CSMD1: variants seen among roughly 807,000 people sequenced by gnomAD.
The protein encoded by CSMD1 is CUB and sushi domain-containing protein 1.
CSMD1 carries 213 observed loss-of-function variants against 417.5 expected under a neutral mutation model. That is an observed-to-expected ratio of 0.51 (90% CI 0.46 to 0.57). CSMD1 has a LOEUF of 0.57. Among genes scored for constraint, CSMD1 ranks in the 20% least tolerant of loss-of-function variants. CSMD1 has a pLI of 0.00. For missense variants in CSMD1, 6,923 were observed against 4,529.7 expected (o/e 1.53, Z -15.17); for synonymous variants, 2,862 against 1,736.8 (o/e 1.65, Z -16.11).
At chr8:3,021,172 G>C (rs571087139) in intron 51 of CSMD1, among the ~76,000 whole-genome samples, 40 of 152,128 alleles carry the variant, frequency 2.6e-4, no homozygotes, top group Non-Finnish European at 4.0e-4. Context: ...CCCTCTGCTC[G>C]TATGGCTGTT....
intron 3 of CSMD1, among the ~76,000 whole-genome samples, chr8:4,099,825 C>T (rs1016245267): frequency 7.9e-5 from 12 of 152,246 alleles, no homozygotes; most frequent in East Asian, 3.9e-4. Flanking sequence ...TGATTGTATC[C>T]ACATCTTGCT....
At chr8:4,894,116 G>A (rs1804316204) in intron 1 of CSMD1, among the ~76,000 whole-genome samples, 1 of 151,954 alleles carries the variant, frequency 6.6e-6, no homozygotes, top group Non-Finnish European at 1.5e-5. Flanking sequence ...CCTGCGCACT[G>A]TATCCCATAC....
intron 1 of CSMD1, among the ~76,000 whole-genome samples, chr8:4,792,788 C>G (rs974052279): frequency 6.6e-6 from 1 of 152,106 alleles, no homozygotes; most frequent in Non-Finnish European, 1.5e-5. Flanking sequence ...ACCATGCGTT[C>G]CAGGCGTACT....
chr8:3,972,378 C>G (rs59909384), intron 5 of CSMD1, among the ~76,000 whole-genome samples: 4 of 151,980 alleles, frequency 2.6e-5, no homozygotes, highest in African/African-American at 7.2e-5. Flanking sequence ...GCTCTTTTTT[C>G]TTTATACAAA....
At chr8:3,965,334 G>T (rs937354454) in intron 5 of CSMD1, among the ~76,000 whole-genome samples, 1 of 152,128 alleles carries the variant, frequency 6.6e-6, no homozygotes, top group African/African-American at 2.4e-5. Flanking sequence ...AATGTTCTTT[G>T]ATGCTTAAAT....
At chr8:3,773,716 T>C (rs764693657) in intron 5 of CSMD1, among the ~76,000 whole-genome samples, 4 of 152,142 alleles carry the variant, frequency 2.6e-5, no homozygotes, top group Non-Finnish European at 5.9e-5. Context: ...CACCTTCAAA[T>C]TGATGATGAG....
chr8:4,076,899 C>G (rs1322261160), intron 3 of CSMD1, among the ~76,000 whole-genome samples: 1 of 152,120 alleles, frequency 6.6e-6, no homozygotes, highest in Non-Finnish European at 1.5e-5. Context: ...TGAAGAACTA[C>G]TGAAATTTTG....
intron 5 of CSMD1, among the ~76,000 whole-genome samples, chr8:3,757,753 G>A (rs1164250218): frequency 1.3e-5 from 2 of 151,954 alleles, no homozygotes; most frequent in African/African-American, 2.4e-5. Context: ...GGAGGCTGAG[G>A]CAAGAGAATT....
chr8:4,437,973 T>C (rs1205215660), intron 2 of CSMD1, among the ~76,000 whole-genome samples: 3 of 152,128 alleles, frequency 2.0e-5, no homozygotes, highest in African/African-American at 7.2e-5. Context: ...TTCTCATAAA[T>C]GTTGACAGAA....
At chr8:3,754,990 A>G (rs1797575482) in intron 5 of CSMD1, among the ~76,000 whole-genome samples, 1 of 152,182 alleles carries the variant, frequency 6.6e-6, no homozygotes, top group Non-Finnish European at 1.5e-5. Context: ...AATAAGATGC[A>G]ATCAATTTCT....
At chr8:4,899,846 T>C (rs929301420) in intron 1 of CSMD1, among the ~76,000 whole-genome samples, 2 of 152,170 alleles carry the variant, frequency 1.3e-5, no homozygotes, top group African/African-American at 2.4e-5. Flanking sequence ...GTCTTGCAGA[T>C]AGCTTTTTCT....
intron 1 of CSMD1, among the ~76,000 whole-genome samples, chr8:4,705,513 C>T (rs558430702): frequency 5.9e-5 from 9 of 152,282 alleles, no homozygotes; most frequent in South Asian, 2.1e-4. Context: ...AAAGGAAACG[C>T]GCACAGCCTT....
At chr8:4,777,807 G>C (rs1464054476) in intron 1 of CSMD1, among the ~76,000 whole-genome samples, 2 of 152,208 alleles carry the variant, frequency 1.3e-5, no homozygotes, top group African/African-American at 4.8e-5. Flanking sequence ...AGGGAAGCAT[G>C]TGGTGTTTCA....
chr8:2,968,664 C>T (rs1028175291), intron 57 of CSMD1, among the ~76,000 whole-genome samples: 1 of 151,946 alleles, frequency 6.6e-6, no homozygotes, highest in African/African-American at 2.4e-5. Flanking sequence ...TCAACATATC[C>T]GCTTTTCTAT....
chr8:4,183,358 C>A (rs1200767244), intron 3 of CSMD1, among the ~76,000 whole-genome samples: 1 of 152,136 alleles, frequency 6.6e-6, no homozygotes, highest in African/African-American at 2.4e-5. Context: ...CTGAAGTAAT[C>A]TAAATGGTAA....
chr8:3,552,167 A>G (rs1585351104), intron 10 of CSMD1, among the ~76,000 whole-genome samples: 1 of 152,298 alleles, frequency 6.6e-6, no homozygotes, highest in East Asian at 1.9e-4. Context: ...AAGAGGTGAG[A>G]TTTTCTGCAC....
At chr8:4,595,910 T>A (rs1392708149) in intron 2 of CSMD1, among the ~76,000 whole-genome samples, 1 of 152,276 alleles carries the variant, frequency 6.6e-6, no homozygotes, top group East Asian at 1.9e-4. Context: ...CATCCACTCT[T>A]AAGGCCTGAC....
At chr8:3,004,976 T>A (rs1807752275) in intron 52 of CSMD1, among the ~76,000 whole-genome samples, 1 of 151,976 alleles carries the variant, frequency 6.6e-6, no homozygotes, top group African/African-American at 2.4e-5. Context: ...CCATCTCTAC[T>A]AAAAATACAA....
chr8:3,060,815 T>A (rs1448879811), intron 49 of CSMD1, among the ~76,000 whole-genome samples: 2 of 152,282 alleles, frequency 1.3e-5, no homozygotes, highest in Non-Finnish European at 2.9e-5. Context: ...GGATTAGGTG[T>A]CCCTATAAAA....
Sources: gnomAD v4.1 joint callset for allele counts (sites outside exome capture counted in the v4.1 genomes callset) on GRCh38, gnomAD v4.1.1 for gene constraint, MANE v1.5 for transcripts, NCBI Gene and HGNC (gene_info 2026-07-23, HGNC 2026-07-21) for gene names.